Variants in CAMK2A observed in about 807,000 individuals in gnomAD.
CAMK2A encodes calcium/calmodulin dependent protein kinase II alpha, also known as calcium/calmodulin-dependent protein kinase type II subunit alpha.
CAMK2A carries 7 observed loss-of-function variants against 79.2 expected under a neutral mutation model. That is an observed-to-expected ratio of 0.09 (90% CI 0.05 to 0.17). The LOEUF (loss-of-function observed/expected upper bound fraction) is 0.17. Among genes scored for constraint, CAMK2A ranks in the 10% least tolerant of loss-of-function variants. CAMK2A has a pLI of 1.00. For missense variants in CAMK2A, 214 were observed against 646.4 expected (o/e 0.33, Z 7.25); for synonymous variants, 242 against 251.7 (o/e 0.96, Z 0.36).
chr5:150,283,331 C>T (rs1454632294), intron 1 of CAMK2A, among the ~76,000 whole-genome samples: 2 of 152,096 alleles, frequency 1.3e-5, no homozygotes, highest in Admixed American at 1.3e-4. Flanking sequence ...AACACTCTTC[C>T]ACCCTCTTCC....
rs377599236 is a variant in CAMK2A at position 150,241,483 on chromosome 5, C to T, written c.985-1747G>A. On this transcript the variant is annotated intron_variant, in intron 13 of 18. Transcript: ENST00000671881. ...TCCCTCGCCCTCCCCTCTCCTCCTT[C>T]TTCTCTTCCTTCCTCTCCTCTCCTC... is the stretch of plus-strand genomic sequence containing the variant. Among the ~76,000 whole-genome samples the T allele has an allele frequency of 1.3e-4, 14 of 108,914 alleles. No homozygotes were observed. The South Asian group carries it at 1.7e-3, about 13-fold the overall frequency. The allele number at this position is 108,914 out of a possible 152,430, so 71.5% of individuals were successfully genotyped here. A position where few individuals can be genotyped will look rare whatever the true frequency, so the allele number is the denominator to read the frequency against.
chr5:150,263,904 G>A (rs1423385582), intron 3 of CAMK2A, among the ~76,000 whole-genome samples: 2 of 152,180 alleles, frequency 1.3e-5, no homozygotes, highest in Non-Finnish European at 2.9e-5. Flanking sequence ...TGCTGGTCCC[G>A]GAGCCTCTGG....
chr5:150,287,181 G>A (rs1270141786), intron 1 of CAMK2A, among the ~76,000 whole-genome samples: 1 of 152,198 alleles, frequency 6.6e-6, no homozygotes, highest in African/African-American at 2.4e-5. Context: ...CATCAGGGGT[G>A]CGGAATCAGT....
At chr5:150,268,847 C>A (rs1294695067) in intron 2 of CAMK2A, among the ~76,000 whole-genome samples, 1 of 152,204 alleles carries the variant, frequency 6.6e-6, no homozygotes, top group African/African-American at 2.4e-5. Context: ...GCAGCCTCTA[C>A]TTCCTGGGCT....
chr5:150,236,724 A>G (rs541309981), intron 15 of CAMK2A, among the ~76,000 whole-genome samples: 38 of 152,346 alleles, frequency 2.5e-4, no homozygotes, highest in African/African-American at 9.1e-4. Flanking sequence ...AACAGCTTAG[A>G]AGCACCATTT....
chr5:150,232,545 C>T (rs927678227), intron 15 of CAMK2A, among the ~76,000 whole-genome samples: 6 of 152,212 alleles, frequency 3.9e-5, no homozygotes, highest in Non-Finnish European at 7.3e-5. Flanking sequence ...AGAAGCCTTG[C>T]TCCGTCTCCC....
At chr5:150,279,423 G>A (rs1010725901) in intron 1 of CAMK2A, among the ~76,000 whole-genome samples, 26 of 152,070 alleles carry the variant, frequency 1.7e-4, no homozygotes, top group Admixed American at 1.7e-3. Flanking sequence ...TGCAAAATAC[G>A]GATAATAATA....
rs572426844 is a variant in CAMK2A, at chr5:150,284,177, A to C, written c.62+5387T>G. 6.6e-6 allele frequency among the ~76,000 whole-genome samples: 1 copy of C among 151,992 alleles called. No individual in the cohort carries two copies. The highest frequency in any genetic ancestry group is 2.4e-5 in the African/African-American group (1 of 41,554). On this transcript the variant is annotated intron_variant, in intron 1 of 18. Coordinates refer to ENST00000671881, the MANE Select transcript of CAMK2A (RefSeq NM_015981.4). This position sits in a 1 kb window ranked among gnomAD's most constrained non-coding sequence, Gnocchi z 5.3. Reference sequence around the variant, plus strand: ...AGTGAGACCAGAGAGACAGAGACAGAGTGAGACCAGAGAGATGGAGAGAAG... The same window carrying C: ...AGTGAGACCAGAGAGACAGAGACAGCGTGAGACCAGAGAGATGGAGAGAAG...
chr5:150,251,919 G>T (rs1304353671), intron 8 of CAMK2A, 63 bp downstream of exon 8: 1 of 1,565,014 alleles, frequency 6.4e-7, no homozygotes, highest in Non-Finnish European at 8.8e-7. Context: ...TGGGAAAGGA[G>T]AGAGGGGGCC....
At position 150,289,445 on chromosome 5, in the gene CAMK2A, G is replaced by T. The variant is rs139726966; in HGVS notation, c.62+119C>A. The T allele has an allele frequency of 8.8e-4, 700 of 792,712 alleles. 2 individuals carry two copies. The highest frequency in any genetic ancestry group is 3.5e-3 in the Middle Eastern group (15 of 4,262). The allele number at this position is 792,712 out of a possible 1,614,324, so 49.1% of individuals were successfully genotyped here. On this transcript the variant is annotated intron_variant, in intron 1 of 18. Coordinates refer to ENST00000671881, the MANE Select transcript of CAMK2A (RefSeq NM_015981.4). ...AGGCAGGTGCCCCCAAACCCATGCAGCCTGCCTTCATCTGTGTACAAGGAA... is the reference window on the plus strand; with the variant it reads ...AGGCAGGTGCCCCCAAACCCATGCATCCTGCCTTCATCTGTGTACAAGGAA...
intron 3 of CAMK2A, among the ~76,000 whole-genome samples, chr5:150,264,527 G>C (rs1756425555): frequency 6.6e-6 from 1 of 152,244 alleles, no homozygotes; most frequent in African/African-American, 2.4e-5. Flanking sequence ...GTGGGCCAGG[G>C]CCTGAGTTGG....
intron 13 of CAMK2A, 37 bp from the exon 14 acceptor site, chr5:150,239,773 A>C (rs1755256979): frequency 6.3e-7 from 1 of 1,598,890 alleles, no homozygotes; most frequent in Non-Finnish European, 8.6e-7. Flanking sequence ...ACAGGAAAAG[A>C]CACAGCGTGA....
intron 13 of CAMK2A, among the ~76,000 whole-genome samples, chr5:150,240,430 G>A (rs1755286105): frequency 6.6e-6 from 1 of 152,178 alleles, no homozygotes; most frequent in South Asian, 2.1e-4. Flanking sequence ...CCTTTATGCT[G>A]ATGGAGAAAC....
In CAMK2A at chr5:150,229,931, T is replaced by A. The variant is rs540307062; in HGVS notation, c.1142+1374A>T. Among the ~76,000 whole-genome samples, 3 of 152,302 alleles carry A rather than the reference T, an allele frequency of 2.0e-5. No homozygotes were observed. The South Asian group carries it at 6.2e-4, about 32-fold the overall frequency. On this transcript the variant is annotated intron_variant, in intron 16 of 18. Transcript: ENST00000671881. ...CATCACCCTCAGTTCCACACATGCA[T>A]CTTCTAAGCCCCTTGTTCTTCCAGA...
chr5:150,239,782 G>A (rs1755257883), intron 13 of CAMK2A, 46 bp from the exon 14 acceptor site: 1 of 1,557,476 alleles, frequency 6.4e-7, no homozygotes, highest in African/African-American at 1.4e-5. Flanking sequence ...GACACAGCGT[G>A]AAAACGGCAG....
intron 17 of CAMK2A, among the ~76,000 whole-genome samples, chr5:150,224,710 T>C (rs577229264): frequency 6.6e-6 from 1 of 152,050 alleles, no homozygotes; most frequent in South Asian, 2.1e-4. Context: ...AACTATAGAA[T>C]CTGAGAAGGG....
intron 17 of CAMK2A, among the ~76,000 whole-genome samples, chr5:150,226,810 G>T (rs10073560): frequency 0.81 from 114,241 of 141,428 alleles, 46,516 homozygotes; most frequent in Non-Finnish European, 0.87. Context: ...TGTTTTTTGT[G>T]TTTTTTTTGT....
intron 1 of CAMK2A, among the ~76,000 whole-genome samples, chr5:150,275,913 C>T (rs1343859316): frequency 6.6e-6 from 1 of 152,056 alleles, no homozygotes; most frequent in Admixed American, 6.5e-5. Context: ...CAATCCCCAG[C>T]CCCCCTCCCC....
intron 16 of CAMK2A, among the ~76,000 whole-genome samples, chr5:150,229,306 C>T (rs1340429307): frequency 6.6e-6 from 1 of 152,220 alleles, no homozygotes; most frequent in Non-Finnish European, 1.5e-5. Flanking sequence ...GGACTGTGCT[C>T]AGACCAAACG....
Sources: allele counts gnomAD v4.1 joint callset (sites outside exome capture counted in the v4.1 genomes callset), GRCh38; gene constraint gnomAD v4.1.1; non-coding constraint Gnocchi (gnomAD v3.1); transcripts MANE v1.5; gene names NCBI Gene and HGNC (gene_info 2026-07-23, HGNC 2026-07-21).